Variants in LGR6 observed in about 807,000 individuals in gnomAD.
LGR6 encodes the protein leucine rich repeat containing G protein-coupled receptor 6, also known as leucine-rich repeat-containing G protein-coupled receptor 6.
A neutral mutation model predicts 69.4 loss-of-function variants in LGR6; 45 were observed. That is an observed-to-expected ratio of 0.65 (90% CI 0.51 to 0.83). LGR6 has a LOEUF of 0.83. Ranked by LOEUF, LGR6 falls within the 40% of genes least tolerant of loss-of-function variation. The pLI is 0.00. For missense variants in LGR6, 1,108 were observed against 1,246.7 expected (o/e 0.89, Z 1.68); for synonymous variants, 538 against 555.0 (o/e 0.97, Z 0.43).
intron 4 of LGR6, among the ~76,000 whole-genome samples, chr1:202,245,215 G>A (rs79975625): frequency 0.033 from 4,647 of 140,488 alleles, 213 homozygotes; most frequent in African/African-American, 0.11. Context: ...TTTGGGCTCC[G>A]TGATTATATG....
intron 7 of LGR6, 40 bp from the exon 8 acceptor site, chr1:202,300,809 T>G: frequency 6.6e-7 from 1 of 1,503,888 alleles, no homozygotes; most frequent in Non-Finnish European, 9.2e-7. Flanking sequence ...TCTCTATACC[T>G]TTCTCCAAAT....
At chr1:202,197,199 T>C (rs1658673034) in intron 1 of LGR6, 4 of 474,478 alleles carry the variant, frequency 8.4e-6, no homozygotes, top group Non-Finnish European at 1.7e-5. Context: ...GGCTGTGAGA[T>C]TTTCTCCTTC....
intron 16 of LGR6, among the ~76,000 whole-genome samples, chr1:202,314,391 T>C (rs1288253129): frequency 6.6e-6 from 1 of 152,226 alleles, no homozygotes; most frequent in African/African-American, 2.4e-5. Context: ...CTGATGTTTT[T>C]CTTAATGTGT....
chr1:202,196,480 C>A (rs530033989), intron 1 of LGR6, among the ~76,000 whole-genome samples: 3 of 152,242 alleles, frequency 2.0e-5, no homozygotes, highest in Non-Finnish European at 4.4e-5. Context: ...AGCACAGATT[C>A]GCATCTGATG....
chr1:202,300,026 C>A (rs1419991611), intron 7 of LGR6, among the ~76,000 whole-genome samples: 4 of 152,204 alleles, frequency 2.6e-5, no homozygotes, highest in Non-Finnish European at 5.9e-5. Flanking sequence ...CGCACCTTAT[C>A]CCCCTGGCTG....
At chr1:202,225,916 A>G (rs1256426940) in intron 2 of LGR6, among the ~76,000 whole-genome samples, 1 of 152,146 alleles carries the variant, frequency 6.6e-6, no homozygotes, top group Non-Finnish European at 1.5e-5. Flanking sequence ...TAGGGGTTGA[A>G]CCAGCCTCCT....
chr1:202,228,534 T>C (rs911560556), intron 3 of LGR6, among the ~76,000 whole-genome samples: 4 of 152,234 alleles, frequency 2.6e-5, no homozygotes, highest in Non-Finnish European at 5.9e-5. Flanking sequence ...CCTATTCCCT[T>C]TGAAGCAAAA....
chr1:202,256,888 T>C (rs1177667629), intron 4 of LGR6, among the ~76,000 whole-genome samples: 1 of 152,214 alleles, frequency 6.6e-6, no homozygotes, highest in Non-Finnish European at 1.5e-5. Context: ...TGTTATGTCT[T>C]TTTGATTATA....
In LGR6 at chr1:202,318,133, G is replaced by C; in HGVS notation, c.1830G>C (p.Leu610Phe). ...GTGCGATTGCAGGCGCCAACACCTTGACTGGCATTTCCTGTGGCCTTCTAG... is the reference window on the plus strand; with the variant it reads ...GTGCGATTGCAGGCGCCAACACCTTCACTGGCATTTCCTGTGGCCTTCTAG... ...VVGAIAGANTLTGISCGLLAS... is the reference protein window; with the variant it reads ...VVGAIAGANTFTGISCGLLAS... Residue 610 changes from leucine to phenylalanine, a missense_variant, in exon 18 of 18, where the codon TTG (leucine) becomes TTC (phenylalanine). Transcript: ENST00000367278. 1 of 1,614,122 alleles carries C rather than the reference G, an allele frequency of 6.2e-7. No homozygotes were observed. The highest frequency in any genetic ancestry group is 1.3e-5 in the African/African-American group (1 of 75,070).
intron 6 of LGR6, among the ~76,000 whole-genome samples, chr1:202,292,442 GGA>G (rs1481194710): frequency 6.6e-6 from 1 of 152,212 alleles, no homozygotes; most frequent in African/African-American, 2.4e-5. Flanking sequence ...AACAGTCTAA[GGA>G]GAGTGTGTCT....
intron 4 of LGR6, among the ~76,000 whole-genome samples, chr1:202,244,772 A>G (rs1253853567): frequency 1.3e-5 from 2 of 151,962 alleles, no homozygotes; most frequent in Non-Finnish European, 2.9e-5. Flanking sequence ...CATTTCACCC[A>G]CTACAAGGCG....
chr1:202,203,870 T>C (rs1344583934), intron 1 of LGR6: 24 of 1,604,840 alleles, frequency 1.5e-5, no homozygotes, highest in Middle Eastern at 3.3e-4. Flanking sequence ...TAATCATCTC[T>C]GCCCGGTGAG....
chr1:202,199,402 G>A lies in LGR6; in HGVS notation c.212+5201G>A, dbSNP rs1377771447. Among the ~76,000 whole-genome samples the A allele has an allele frequency of 2.6e-5, 4 of 152,162 alleles. No homozygotes were observed. In the South Asian group the frequency reaches 6.2e-4, roughly 24 times the overall value. On this transcript the variant is annotated intron_variant, in intron 1 of 17. Transcript: ENST00000367278. The stretch of plus-strand genomic sequence containing the variant: ...GGGGTCGCCGGAGGTGGGTGAATGT[G>A]TGGGGGAGCCAACACCCCAGTTCAA...
chr1:202,211,975 C>G (rs1378856738), intron 1 of LGR6, among the ~76,000 whole-genome samples: 1 of 152,198 alleles, frequency 6.6e-6, no homozygotes, highest in East Asian at 1.9e-4. Flanking sequence ...TGAGGATTCA[C>G]CCATGTTGTT....
intron 4 of LGR6, among the ~76,000 whole-genome samples, chr1:202,258,207 C>A (rs998562439): frequency 6.6e-6 from 1 of 151,786 alleles, no homozygotes; most frequent in African/African-American, 2.4e-5. Flanking sequence ...ATAATAATTT[C>A]TTTGCGGATT....
At chr1:202,227,874 T>C in intron 2 of LGR6, 62 bp from the exon 3 acceptor site, 4 of 1,132,546 alleles carry the variant, frequency 3.5e-6, no homozygotes, top group East Asian at 2.3e-5. Flanking sequence ...CACTTTCTTA[T>C]GGAGGTCACC....
Position 202,273,527 on chromosome 1 carries a change from G to A in LGR6, c.429-2779G>A, listed in dbSNP as rs886972149. 9.4e-5 allele frequency among the ~76,000 whole-genome samples: 14 copies of A among 149,488 alleles called. No homozygotes were observed. The East Asian group carries it at 2.0e-3, about 21-fold the overall frequency. On this transcript the variant is annotated intron_variant, in intron 4 of 17. Transcript: ENST00000367278. ...GGCTGGAGTGCAATGGTGTGATCTC[G>A]GCTCACCACACCCTCCGCCTCCCAG... is the stretch of plus-strand genomic sequence containing the variant.
intron 1 of LGR6, among the ~76,000 whole-genome samples, chr1:202,194,773 T>A (rs989257022): frequency 1.5e-4 from 23 of 151,546 alleles, no homozygotes; most frequent in African/African-American, 5.3e-4. Flanking sequence ...AGAAAGGGAC[T>A]CTGCCAGCAC....
rs947494330 is a variant in LGR6, at chr1:202,310,481, G to A, written c.1567+124G>A. ...TGCAGAGGGAAGCCCTACAGAGGTGGGAGGAGCTGCCTGTGACCTGGGAGG... is the reference window on the plus strand; with the variant it reads ...TGCAGAGGGAAGCCCTACAGAGGTGAGAGGAGCTGCCTGTGACCTGGGAGG... On this transcript the variant is annotated intron_variant, in intron 16 of 17. Transcript: ENST00000367278. 9 of 913,636 alleles carry A rather than the reference G, an allele frequency of 9.9e-6. No individual in the cohort carries two copies. In the Admixed American group the frequency reaches 1.6e-4, roughly 17 times the overall value. 56.6% of individuals were successfully genotyped at this position (913,636 alleles called of 1,614,324 possible).
Sources: gnomAD v4.1 joint callset for allele counts (sites outside exome capture counted in the v4.1 genomes callset) on GRCh38, gnomAD v4.1.1 for gene constraint, MANE v1.5 for transcripts, NCBI Gene and HGNC (gene_info 2026-07-23, HGNC 2026-07-21) for gene names.